Variants in EPHA6 observed in about 807,000 individuals in gnomAD.
The protein encoded by EPHA6 is ephrin type-A receptor 6.
In EPHA6, 50 loss-of-function variants were observed where a neutral mutation model predicts 112.0. That is an observed-to-expected ratio of 0.45 (90% CI 0.36 to 0.56). EPHA6 has a LOEUF of 0.56. Ranked by LOEUF, EPHA6 falls within the 20% of genes least tolerant of loss-of-function variation. EPHA6 has a pLI of 0.00. For missense variants in EPHA6, 1,280 were observed against 1,417.4 expected, an observed-to-expected ratio of 0.90 and a Z score of 1.56; for synonymous variants, 529 against 490.7, an observed-to-expected ratio of 1.08 and a Z score of -1.03.
At chr3:97,141,192 A>G (rs1424146973) in intron 3 of EPHA6, among the ~76,000 whole-genome samples, 1 of 152,136 alleles carries the variant, frequency 6.6e-6, no homozygotes, top group Non-Finnish European at 1.5e-5. Context: ...TTATAAAACA[A>G]GTACTAAAGG....
chr3:97,252,431 G>A (rs1017419283), intron 5 of EPHA6, among the ~76,000 whole-genome samples: 15 of 151,782 alleles, frequency 9.9e-5, no homozygotes, highest in Admixed American at 2.0e-4. Context: ...ACACACACAC[G>A]CGCGCGCACG....
chr3:97,455,375 A>G (rs975657881), intron 7 of EPHA6, among the ~76,000 whole-genome samples: 5 of 152,088 alleles, frequency 3.3e-5, no homozygotes, highest in African/African-American at 9.6e-5. Flanking sequence ...ATAATGAAGT[A>G]TAGTAACTTA....
At chr3:97,329,570 A>G (rs927677699) in intron 5 of EPHA6, among the ~76,000 whole-genome samples, 87 of 152,062 alleles carry the variant, frequency 5.7e-4, no homozygotes, top group African/African-American at 2.1e-3. Context: ...ATGGCCAGTG[A>G]TGATGAGCAT....
intron 10 of EPHA6, among the ~76,000 whole-genome samples, chr3:97,527,330 C>T (rs1222865691): frequency 1.3e-5 from 2 of 152,154 alleles, no homozygotes; most frequent in East Asian, 3.9e-4. Context: ...AATCCTAGAT[C>T]TTGGGCTCCA....
intron 3 of EPHA6, among the ~76,000 whole-genome samples, chr3:97,184,024 T>C (rs574050904): frequency 1.4e-4 from 22 of 152,250 alleles, no homozygotes; most frequent in African/African-American, 5.3e-4. Flanking sequence ...ATTTACATAG[T>C]TTTATAGATA....
intron 13 of EPHA6, among the ~76,000 whole-genome samples, chr3:97,621,411 G>C (rs1190991116): frequency 2.6e-5 from 4 of 151,848 alleles, no homozygotes; most frequent in Non-Finnish European, 5.9e-5. Flanking sequence ...ATGTACCCCT[G>C]AACTTAAAAT....
chr3:97,641,333 T>C (rs892848878), intron 14 of EPHA6, among the ~76,000 whole-genome samples: 6 of 152,130 alleles, frequency 3.9e-5, no homozygotes, highest in Non-Finnish European at 5.9e-5. Flanking sequence ...AAGAATGAAA[T>C]AGTTAGAAAC....
intron 3 of EPHA6, among the ~76,000 whole-genome samples, chr3:97,069,443 T>C (rs780838402): frequency 6.6e-6 from 1 of 152,104 alleles, no homozygotes; most frequent in Non-Finnish European, 1.5e-5. Flanking sequence ...AGTTCAAACT[T>C]GTATTGTTCA....
chr3:97,585,600 T>C (rs76167145), intron 11 of EPHA6, among the ~76,000 whole-genome samples: 2 of 152,322 alleles, frequency 1.3e-5, no homozygotes, highest in East Asian at 3.9e-4. Context: ...TACAGTTACC[T>C]GAAGGATTTT....
intron 14 of EPHA6, among the ~76,000 whole-genome samples, chr3:97,642,665 C>T (rs1052030038): frequency 9.2e-5 from 14 of 151,918 alleles, no homozygotes; most frequent in Admixed American, 2.6e-4. Context: ...GGAGCCGATG[C>T]GATCAACTGG....
At chr3:97,351,035 T>G (rs960719001) in intron 5 of EPHA6, among the ~76,000 whole-genome samples, 6 of 152,144 alleles carry the variant, frequency 3.9e-5, no homozygotes, top group African/African-American at 9.7e-5. Flanking sequence ...TCTTTGCATA[T>G]TTAGTACAAT....
Position 97,328,905 on chromosome 3 carries a change from T to C in EPHA6, c.1607-76245T>C, listed in dbSNP as rs149001167. ...TATGTATGCATGTGCCATATTGGTG[T>C]GCTGCACCCAGTAACTCGTCATATA... On this transcript the variant is annotated intron_variant, in intron 5 of 17. Coordinates refer to ENST00000389672, the MANE Select transcript of EPHA6 (RefSeq NM_001080448.3). Among the ~76,000 whole-genome samples, 784 of 152,208 alleles carry C rather than the reference T, an allele frequency of 5.2e-3. 13 individuals are homozygous for C. The highest frequency in any genetic ancestry group is 0.018 in the African/African-American group (750 of 41,546).
intron 2 of EPHA6, among the ~76,000 whole-genome samples, chr3:96,982,693 A>G (rs867195416): frequency 5.8e-4 from 88 of 152,192 alleles, no homozygotes; most frequent in Middle Eastern, 3.4e-3. Flanking sequence ...GGGTCTAAGT[A>G]TCTTTGTAGA....
At position 97,378,979 on chromosome 3, in the gene EPHA6, G is replaced by A. The variant is rs1280283257; in HGVS notation, c.1607-26171G>A. Among the ~76,000 whole-genome samples, 2 of 152,156 alleles carry A rather than the reference G, an allele frequency of 1.3e-5. 1 individual carries two copies. Among genetic ancestry groups the A allele is most frequent in the East Asian group, 3.9e-4 (2 of 5,174 alleles). ...AGGCATGATTTGTTTTGAAATGTGAGGACATGAGATCTGGAGGGGCCAGGG... is the reference window on the plus strand; with the variant it reads ...AGGCATGATTTGTTTTGAAATGTGAAGACATGAGATCTGGAGGGGCCAGGG... On this transcript the variant is annotated intron_variant, in intron 5 of 17. Transcript: ENST00000389672.
intron 14 of EPHA6, among the ~76,000 whole-genome samples, chr3:97,708,361 G>A (rs1048234122): frequency 2.0e-5 from 3 of 152,140 alleles, no homozygotes; most frequent in African/African-American, 7.2e-5. Context: ...GATGATTTAG[G>A]GTACCTGGCA....
At chr3:97,463,004 A>G (rs543431753) in intron 7 of EPHA6, among the ~76,000 whole-genome samples, 145 of 152,272 alleles carry the variant, frequency 9.5e-4, no homozygotes, top group African/African-American at 3.3e-3. Flanking sequence ...TCCCAAACAT[A>G]TATATAACTA....
At chr3:97,092,153 A>G (rs1343039320) in intron 3 of EPHA6, among the ~76,000 whole-genome samples, 1 of 151,970 alleles carries the variant, frequency 6.6e-6, no homozygotes, top group Non-Finnish European at 1.5e-5. Flanking sequence ...ACGTAAACAA[A>G]AGATAGAACG....
intron 4 of EPHA6, among the ~76,000 whole-genome samples, chr3:97,232,015 G>GA (rs1352363206): frequency 2.6e-5 from 4 of 152,124 alleles, no homozygotes; most frequent in Non-Finnish European, 5.9e-5. Flanking sequence ...AGGTTGACAG[G>GA]AAAGGTCAGA....
At chr3:97,732,472 T>C (rs2035079652) in intron 15 of EPHA6, among the ~76,000 whole-genome samples, 1 of 152,080 alleles carries the variant, frequency 6.6e-6, no homozygotes, top group African/African-American at 2.4e-5. Flanking sequence ...TGACTTGTTA[T>C]GTTATCCCTT....
Sources: gnomAD v4.1 joint callset for allele counts (sites outside exome capture counted in the v4.1 genomes callset) on GRCh38, gnomAD v4.1.1 for gene constraint, MANE v1.5 for transcripts, NCBI Gene and HGNC (gene_info 2026-07-23, HGNC 2026-07-21) for gene names.